PLS3: variants seen among roughly 807,000 people sequenced by gnomAD.
PLS3 encodes the protein plastin-3.
A neutral mutation model predicts 46.5 loss-of-function variants in PLS3; 11 were observed. The observed-to-expected ratio is 0.24, with a 90% CI of 0.15 to 0.39. The LOEUF (loss-of-function observed/expected upper bound fraction) is 0.39. Ranked by LOEUF, PLS3 falls within the 10% of genes least tolerant of loss-of-function variation. The pLI, the probability that PLS3 is intolerant of heterozygous loss-of-function variation, is 1.00. For missense variants in PLS3, 308 were observed against 461.8 expected (o/e 0.67, Z 3.05); for synonymous variants, 167 against 162.2 (o/e 1.03, Z -0.22).
intron 2 of PLS3, among the ~76,000 whole-genome samples, chrX:115,616,874 T>A (rs1556636871): frequency 8.9e-6 from 1 of 111,744 alleles, no homozygotes; most frequent in Non-Finnish European, 1.9e-5. Context: ...TGACTCTAAC[T>A]AACACTAAAA....
intron 1 of PLS3, among the ~76,000 whole-genome samples, chrX:115,605,609 C>T (rs1397767574): frequency 9.0e-6 from 1 of 110,977 alleles, no homozygotes; most frequent in African/African-American, 3.3e-5. Flanking sequence ...GCATGTGCCA[C>T]CACCCACGAT....
In PLS3 at chrX:115,635,969, C is replaced by T. The variant is rs782251809; in HGVS notation, c.749-867C>T. Among the ~76,000 whole-genome samples the T allele has an allele frequency of 5.6e-5, 6 of 107,313 alleles. 1 individual carries two copies. In the South Asian group the frequency reaches 1.7e-3, roughly 30 times the overall value. The allele number at this position is 107,313 out of a possible 115,157, so 93.2% of individuals were successfully genotyped here. On this transcript the variant is annotated intron_variant, in intron 7 of 15. Coordinates refer to ENST00000355899, the MANE Select transcript of PLS3 (RefSeq NM_005032.7). ...CATGGAGGCAGAGGTTGCAGTGAGC[C>T]GAGATCACGCCACTGCACTCCAGCC...
chrX:115,591,393 A>G (rs2074344434), intron 1 of PLS3, among the ~76,000 whole-genome samples: 1 of 112,335 alleles, frequency 8.9e-6, no homozygotes, highest in African/African-American at 3.2e-5. Context: ...AGGAAAGGAA[A>G]AGTCAGAAAA....
intron 1 of PLS3, among the ~76,000 whole-genome samples, chrX:115,591,002 G>A (rs1163585651): frequency 2.7e-5 from 3 of 110,195 alleles, no homozygotes; most frequent in African/African-American, 6.6e-5. Flanking sequence ...AGCCGGGCGT[G>A]GTGGCGGGTG....
At chrX:115,585,237 A>G in intron 1 of PLS3, among the ~76,000 whole-genome samples, 1 of 111,573 alleles carries the variant, frequency 9.0e-6, no homozygotes, top group East Asian at 2.8e-4. Context: ...AAATCCTCAT[A>G]TTTCCTGATG....
At chrX:115,637,223 G>A (rs1276477195) in intron 8 of PLS3, among the ~76,000 whole-genome samples, 2 of 111,630 alleles carry the variant, frequency 1.8e-5, no homozygotes, top group African/African-American at 6.5e-5. Context: ...GTTATATCCT[G>A]CCTATTGGTA....
chrX:115,626,782 T>C (rs113628598), intron 3 of PLS3, among the ~76,000 whole-genome samples: 4,743 of 110,594 alleles, frequency 0.043, 99 homozygotes, highest in South Asian at 0.11. Context: ...ACTAAAGCTA[T>C]GTAAATAATT....
At chrX:115,575,948 A>G (rs1446353840) in intron 1 of PLS3, among the ~76,000 whole-genome samples, 3 of 111,900 alleles carry the variant, frequency 2.7e-5, no homozygotes, top group Non-Finnish European at 3.8e-5. Flanking sequence ...AACACTAAGG[A>G]GCAAAGGCAA....
At chrX:115,635,440 G>A (rs1440363077) in intron 7 of PLS3, among the ~76,000 whole-genome samples, 2 of 109,072 alleles carry the variant, frequency 1.8e-5, no homozygotes, top group African/African-American at 3.3e-5. Flanking sequence ...AGGCTGGAGC[G>A]CAGTGGCACA....
chrX:115,575,333 A>C (rs1432479505), intron 1 of PLS3, among the ~76,000 whole-genome samples: 1 of 112,393 alleles, frequency 8.9e-6, no homozygotes, highest in African/African-American at 3.2e-5. Flanking sequence ...TGAGTCCCCT[A>C]ATGAGTTAGA....
chrX:115,609,552 G>T (rs1364887616), intron 1 of PLS3, among the ~76,000 whole-genome samples: 1 of 111,708 alleles, frequency 9.0e-6, no homozygotes, highest in Non-Finnish European at 1.9e-5. Flanking sequence ...ACCATATCCA[G>T]CTTGAGGTCA....
intron 1 of PLS3, among the ~76,000 whole-genome samples, chrX:115,569,046 AAAAAAAAAG>A (rs1263928987): frequency 4.2e-4 from 46 of 110,147 alleles, no homozygotes; most frequent in African/African-American, 7.9e-4. Flanking sequence ...AAAAAAAAAA[AAAAAAAAAG>A]AAGAAGAAAA....
At chrX:115,590,665 C>A (rs2074338489) in intron 1 of PLS3, among the ~76,000 whole-genome samples, 1 of 110,477 alleles carries the variant, frequency 9.1e-6, no homozygotes, top group African/African-American at 3.3e-5. Context: ...ACTAAAAATA[C>A]AAAAATTAGC....
chrX:115,634,849 A>T (rs782313532), intron 6 of PLS3, 32 bp from the exon 7 acceptor site: 1 of 1,183,624 alleles, frequency 8.4e-7, no homozygotes, highest in Non-Finnish European at 1.1e-6. Context: ...GGAAAGGTCA[A>T]GAAGCAAGTG....
In PLS3 at chrX:115,630,098, C is replaced by T. The variant is rs782130151; in HGVS notation, c.500+131C>T. 1.9e-5 allele frequency: 9 copies of T among 474,236 alleles called. No individual in the cohort carries two copies. The South Asian group carries it at 3.4e-4, about 18-fold the overall frequency. The allele number at this position is 474,236 out of a possible 1,213,427, so 39.1% of individuals were successfully genotyped here. The stretch of plus-strand genomic sequence containing the variant: ...GAATGGAAAATTATCCAGGTTCTGC[C>T]TTTTTCATTTAATCTCTAGGTCTGT... On this transcript the variant is annotated intron_variant, in intron 5 of 15. Transcript: ENST00000355899.
chrX:115,575,445 G>GTT (rs782406221), intron 1 of PLS3, among the ~76,000 whole-genome samples: 1,642 of 110,996 alleles, frequency 0.015, 22 homozygotes, highest in African/African-American at 0.047. Flanking sequence ...AAGTTTTTTT[G>GTT]TTATTTTTTG....
chrX:115,592,341 T>A (rs1034503952), intron 1 of PLS3, among the ~76,000 whole-genome samples: 5 of 111,608 alleles, frequency 4.5e-5, no homozygotes, highest in Non-Finnish European at 9.4e-5. Flanking sequence ...TCCCATTGGG[T>A]CATCCCGTGG....
chrX:115,606,560 T>C (rs1467118079), intron 1 of PLS3, among the ~76,000 whole-genome samples: 1 of 111,530 alleles, frequency 9.0e-6, no homozygotes, highest in African/African-American at 3.3e-5. Flanking sequence ...CTGCCCAAAC[T>C]GGAAAGGACC....
At chrX:115,616,458 C>T (rs993152391) in intron 2 of PLS3, among the ~76,000 whole-genome samples, 10 of 111,570 alleles carry the variant, frequency 9.0e-5, no homozygotes, top group Non-Finnish European at 3.8e-5. Flanking sequence ...TACTTTTCTC[C>T]GATGTAGAAA....
Sources: gnomAD v4.1 joint callset for allele counts (sites outside exome capture counted in the v4.1 genomes callset) on GRCh38, gnomAD v4.1.1 for gene constraint, MANE v1.5 for transcripts, NCBI Gene and HGNC (gene_info 2026-07-23, HGNC 2026-07-21) for gene names.